The following CCDC158 variants were observed in gnomAD, a reference collection of about 807,000 sequenced individuals.
The protein encoded by CCDC158 is coiled-coil domain-containing protein 158.
In CCDC158, 116 loss-of-function variants were observed where a neutral mutation model predicts 138.6. The ratio of observed to expected loss-of-function variants is 0.84; its 90% CI spans 0.72 to 0.98. The LOEUF (loss-of-function observed/expected upper bound fraction) is 0.98, where lower values mean the gene tolerates loss of function less well. Among genes scored for constraint, CCDC158 ranks in the 50% least tolerant of loss-of-function variants. The pLI, the probability that CCDC158 is intolerant of heterozygous loss-of-function variation, is 0.00. For synonymous variants in CCDC158, 436 were observed against 442.4 expected (o/e 0.99, Z 0.18); for missense variants, 1,265 against 1,306.1 (o/e 0.97, Z 0.48).
intron 1 of CCDC158, among the ~76,000 whole-genome samples, chr4:76,417,972 C>A (rs1259571239): frequency 1.3e-5 from 2 of 152,176 alleles, no homozygotes; most frequent in African/African-American, 4.8e-5. Context: ...CCAAAAGGAA[C>A]ACTGTGCTTA....
intron 24 of CCDC158, among the ~76,000 whole-genome samples, chr4:76,322,134 C>T (rs1234623912): frequency 6.6e-6 from 1 of 151,958 alleles, no homozygotes; most frequent in Non-Finnish European, 1.5e-5. Context: ...TCCCCCCAAA[C>T]TATTGAAATT....
intron 24 of CCDC158, among the ~76,000 whole-genome samples, chr4:76,316,131 A>G (rs1011786732): frequency 6.6e-6 from 1 of 152,254 alleles, no homozygotes; most frequent in African/African-American, 2.4e-5. Flanking sequence ...GAATTGCCAG[A>G]TGAAGAATTC....
chr4:76,392,184 G>A (rs1727375028), intron 4 of CCDC158, among the ~76,000 whole-genome samples: 1 of 151,856 alleles, frequency 6.6e-6, no homozygotes, highest in South Asian at 2.1e-4. Flanking sequence ...GAAAACTACA[G>A]GTCAGTATCT....
At chr4:76,374,245 C>A (rs1725515941) in intron 9 of CCDC158, among the ~76,000 whole-genome samples, 1 of 152,186 alleles carries the variant, frequency 6.6e-6, no homozygotes, top group Non-Finnish European at 1.5e-5. Context: ...AGCTCTGTAA[C>A]ACAGGTTACT....
At position 76,369,510 on chromosome 4, in the gene CCDC158, C is replaced by T. The variant is rs962745571; in HGVS notation, c.1263G>A (p.Leu421=). Residue 421 remains leucine (L), a synonymous_variant, in exon 11 of 25, where the codon CTG becomes CTA. Coordinates refer to ENST00000682701, the MANE Select transcript of CCDC158 (RefSeq NM_001394954.1). ...SITIDHLRRE[L]DNRNMEVQRL... Reference sequence around the variant, plus strand: ...GCTGCACCTCCATGTTCCGGTTGTCCAGTTCCCGCCGCAGGTGGTCAATGG... The same window carrying T: ...GCTGCACCTCCATGTTCCGGTTGTCTAGTTCCCGCCGCAGGTGGTCAATGG... The T allele has an allele frequency of 1.4e-5, 23 of 1,614,158 alleles. No individual in the cohort carries two copies. The highest frequency in any genetic ancestry group is 1.4e-5 in the Non-Finnish European group (16 of 1,180,014).
intron 18 of CCDC158, among the ~76,000 whole-genome samples, chr4:76,342,978 A>G (rs1342624969): frequency 2.6e-5 from 4 of 152,304 alleles, no homozygotes; most frequent in South Asian, 4.1e-4. Flanking sequence ...CTGTCTCCAT[A>G]TACTCAGGTG....
At chr4:76,410,666 C>T (rs540686199) in intron 2 of CCDC158, among the ~76,000 whole-genome samples, 1 of 152,302 alleles carries the variant, frequency 6.6e-6, no homozygotes, top group East Asian at 1.9e-4. Flanking sequence ...GGTATGTTTT[C>T]CTTGGGAAAT....
At chr4:76,384,738 A>T in intron 4 of CCDC158, 73 bp from the exon 5 acceptor site, 2 of 958,308 alleles carry the variant, frequency 2.1e-6, no homozygotes, top group South Asian at 2.9e-5. Context: ...ACTTCCAAAG[A>T]TCTATATATA....
intron 14 of CCDC158, among the ~76,000 whole-genome samples, chr4:76,356,036 G>A (rs563458189): frequency 2.6e-5 from 4 of 152,116 alleles, no homozygotes; most frequent in African/African-American, 9.6e-5. Flanking sequence ...CAAACTGCCA[G>A]CATAAGCATA....
intron 19 of CCDC158, among the ~76,000 whole-genome samples, chr4:76,333,590 T>C (rs1423906726): frequency 6.6e-6 from 1 of 152,212 alleles, no homozygotes; most frequent in Admixed American, 6.5e-5. Context: ...TTGGAGAGTA[T>C]ATAGTTCTCA....
intron 3 of CCDC158, among the ~76,000 whole-genome samples, chr4:76,399,169 A>C (rs1728106404): frequency 1.3e-5 from 2 of 152,178 alleles, no homozygotes; most frequent in Admixed American, 1.3e-4. Context: ...GATAAAGCAA[A>C]TATGACAAAA....
Position 76,337,647 on chromosome 4 carries a change from G to A in CCDC158, c.2665-3480C>T, listed in dbSNP as rs143231800. On this transcript the variant is annotated intron_variant, in intron 18 of 24. Transcript: ENST00000682701. ...CTTAGGAGGCTGAAGCAGGAGAATCGCTTGAACCCAGGAGGCAGAGGTTGC... is the reference window on the plus strand; with the variant it reads ...CTTAGGAGGCTGAAGCAGGAGAATCACTTGAACCCAGGAGGCAGAGGTTGC... Among the ~76,000 whole-genome samples the A allele has an allele frequency of 3.8e-4, 57 of 151,900 alleles. No individual in the cohort carries two copies. The East Asian group carries it at 0.01, about 27-fold the overall frequency.
At chr4:76,358,217 A>G (rs980857572) in intron 13 of CCDC158, among the ~76,000 whole-genome samples, 1 of 152,010 alleles carries the variant, frequency 6.6e-6, no homozygotes, top group Non-Finnish European at 1.5e-5. Flanking sequence ...TGCTTTTCCA[A>G]TACCACAAAC....
intron 10 of CCDC158, among the ~76,000 whole-genome samples, chr4:76,370,248 A>G (rs1362409675): frequency 6.6e-6 from 1 of 152,244 alleles, no homozygotes; most frequent in African/African-American, 2.4e-5. Flanking sequence ...CATTAAAGGA[A>G]CAAAGATAAG....
intron 12 of CCDC158, 66 bp downstream of exon 12, chr4:76,367,228 C>G: frequency 1.3e-6 from 2 of 1,526,048 alleles, no homozygotes; most frequent in Non-Finnish European, 1.8e-6. Flanking sequence ...AACCACTTTT[C>G]AGTACAGGTC....
rs1578879136 is a variant in CCDC158, at chr4:76,330,233, C to T, written c.2942+1111G>A. 3.9e-5 allele frequency among the ~76,000 whole-genome samples: 6 copies of T among 152,042 alleles called. No individual in the cohort carries two copies. The South Asian group carries it at 6.2e-4, about 16-fold the overall frequency. Reference sequence around the variant, plus strand: ...AACACGGGCTCAGGAGCCAGCTAAACCTGAGTTCAAACCTGAGCTCCACTG... The same window carrying T: ...AACACGGGCTCAGGAGCCAGCTAAATCTGAGTTCAAACCTGAGCTCCACTG... On this transcript the variant is annotated intron_variant, in intron 21 of 24. Coordinates refer to ENST00000682701, the MANE Select transcript of CCDC158 (RefSeq NM_001394954.1).
chr4:76,407,938 T>C (rs1728964819), intron 2 of CCDC158, among the ~76,000 whole-genome samples: 1 of 152,186 alleles, frequency 6.6e-6, no homozygotes. Context: ...TGAATGCTTG[T>C]GTTATTCATA....
At position 76,371,532 on chromosome 4, in the gene CCDC158, T is replaced by A; in HGVS notation, c.1034A>T (p.Glu345Val). ...EAKRMYEDKT[E>V]ELEKQLVLAN... is the part of the protein sequence containing the mutation. ...AAGGACTAACTGCTTTTCCAGCTCT[T>A]CTGTCTGAAAGGAAAGTACAAATTG... is the stretch of plus-strand genomic sequence containing the variant. Residue 345 changes from glutamate (E) to valine (V), a missense_variant, in exon 10 of 25, where the codon GAA (glutamate) becomes GTA (valine). Physicochemically the swap from Glu to Val is moderately radical, Grantham distance 121. Coordinates refer to ENST00000682701, the MANE Select transcript of CCDC158 (RefSeq NM_001394954.1). 1 of 1,614,166 alleles carries A rather than the reference T, an allele frequency of 6.2e-7. No individual in the cohort carries two copies. The highest frequency in any genetic ancestry group is 8.5e-7 in the Non-Finnish European group (1 of 1,179,998).
At chr4:76,417,533 T>C (rs1729791987) in intron 1 of CCDC158, among the ~76,000 whole-genome samples, 1 of 152,162 alleles carries the variant, frequency 6.6e-6, no homozygotes, top group African/African-American at 2.4e-5. Flanking sequence ...TATCCCAGAA[T>C]TCCCATGTGT....
Sources: gnomAD v4.1 joint callset for allele counts (sites outside exome capture counted in the v4.1 genomes callset) on GRCh38, gnomAD v4.1.1 for gene constraint, MANE v1.5 for transcripts, NCBI Gene and HGNC (gene_info 2026-07-23, HGNC 2026-07-21) for gene names.